ANTXR1: variants seen among roughly 807,000 people sequenced by gnomAD.
ANTXR1 encodes the protein ANTXR cell adhesion molecule 1.
Under a neutral mutation model 78.1 loss-of-function variants are expected in ANTXR1, and 19 were observed. The observed-to-expected ratio is 0.24, with a 90% CI of 0.17 to 0.36. ANTXR1 has a LOEUF of 0.36. Among genes scored for constraint, ANTXR1 ranks in the 10% least tolerant of loss-of-function variants. ANTXR1 has a pLI of 1.00. For synonymous variants in ANTXR1, 273 were observed against 260.5 expected (o/e 1.05, Z -0.46); for missense variants, 518 against 718.6 (o/e 0.72, Z 3.19).
intron 7 of ANTXR1, among the ~76,000 whole-genome samples, chr2:69,076,406 T>C (rs1272476253): frequency 2.0e-5 from 3 of 152,214 alleles, no homozygotes; most frequent in Admixed American, 6.5e-5. Context: ...AAAATGTGTA[T>C]AGGTGCATAT....
At chr2:69,169,243 A>T (rs1673910487) in intron 13 of ANTXR1, among the ~76,000 whole-genome samples, 1 of 152,240 alleles carries the variant, frequency 6.6e-6, no homozygotes, top group East Asian at 1.9e-4. Flanking sequence ...ACCTGATGTT[A>T]AGGCATCAAG....
At chr2:69,023,899 A>G (rs1016688656) in intron 1 of ANTXR1, among the ~76,000 whole-genome samples, 21 of 152,230 alleles carry the variant, frequency 1.4e-4, no homozygotes, top group African/African-American at 5.1e-4. Flanking sequence ...TTAGGAAAGC[A>G]AACTAACACA....
chr2:69,020,121 G>C (rs1424537591), intron 1 of ANTXR1, among the ~76,000 whole-genome samples: 1 of 152,100 alleles, frequency 6.6e-6, no homozygotes, highest in Non-Finnish European at 1.5e-5. Flanking sequence ...GGGTCGAATG[G>C]TATTTCTGTC....
intron 13 of ANTXR1, among the ~76,000 whole-genome samples, chr2:69,153,000 C>T (rs1673437578): frequency 6.6e-6 from 1 of 152,098 alleles, no homozygotes; most frequent in African/African-American, 2.4e-5. Context: ...GGGAGAAGTC[C>T]AAACAAAGTA....
chr2:69,139,227 T>G (rs900188025), intron 12 of ANTXR1, among the ~76,000 whole-genome samples: 6 of 152,278 alleles, frequency 3.9e-5, no homozygotes, highest in Admixed American at 3.9e-4. Flanking sequence ...AATTTCACTG[T>G]GGCCTTAAGG....
chr2:69,136,135 T>G (rs972685331), intron 12 of ANTXR1, among the ~76,000 whole-genome samples: 2 of 152,234 alleles, frequency 1.3e-5, no homozygotes, highest in South Asian at 2.1e-4. Flanking sequence ...CACAGATACA[T>G]CTGAAATGCA....
chr2:69,075,486 A>G lies in ANTXR1; in HGVS notation c.493-104A>G. On this transcript the variant is annotated intron_variant, in intron 6 of 17. Coordinates refer to ENST00000303714, the MANE Select transcript of ANTXR1 (RefSeq NM_032208.3). The stretch of plus-strand genomic sequence containing the variant: ...TCCAGTATGGCACCAGGCACATGGT[A>G]GGTGCTCATTAAATACCTCATCATT... 3 of 1,079,088 alleles carry G rather than the reference A, an allele frequency of 2.8e-6. No individual in the cohort carries two copies. In the South Asian group the frequency reaches 3.7e-5, roughly 13 times the overall value. 66.8% of individuals were successfully genotyped at this position (1,079,088 alleles called of 1,614,324 possible). A position where few individuals can be genotyped will look rare whatever the true frequency, so the allele number is the denominator to read the frequency against.
chr2:69,071,394 T>C (rs1670560405), intron 4 of ANTXR1, among the ~76,000 whole-genome samples: 1 of 152,212 alleles, frequency 6.6e-6, no homozygotes, highest in Admixed American at 6.5e-5. Flanking sequence ...GTAACACTAA[T>C]GATATTTGTT....
At chr2:69,053,801 A>C (rs2104128995) in intron 3 of ANTXR1, among the ~76,000 whole-genome samples, 1 of 152,326 alleles carries the variant, frequency 6.6e-6, no homozygotes, top group African/African-American at 2.4e-5. Flanking sequence ...CCAGAGAGAC[A>C]GAATTCTTTG....
intron 17 of ANTXR1, among the ~76,000 whole-genome samples, chr2:69,223,890 G>C (rs2104513518): frequency 6.6e-6 from 1 of 152,310 alleles, no homozygotes; most frequent in Middle Eastern, 3.4e-3. Flanking sequence ...CCCAATTTCA[G>C]TTAACCTTTG....
chr2:69,083,002 G>T, intron 8 of ANTXR1, among the ~76,000 whole-genome samples: 1 of 152,144 alleles, frequency 6.6e-6, no homozygotes, highest in Non-Finnish European at 1.5e-5. Context: ...TGAGATCAAC[G>T]GAACCGAGGA....
At chr2:69,169,287 C>T (rs927122801) in intron 13 of ANTXR1, among the ~76,000 whole-genome samples, 1 of 152,218 alleles carries the variant, frequency 6.6e-6, no homozygotes, top group South Asian at 2.1e-4. Flanking sequence ...TGCCAGAAGT[C>T]CTCTAAGTAA....
chr2:69,060,548 T>G (rs1670203389), intron 3 of ANTXR1, among the ~76,000 whole-genome samples: 1 of 151,980 alleles, frequency 6.6e-6, no homozygotes. Flanking sequence ...AAAGAACAGG[T>G]GGTAAGGTAG....
intron 17 of ANTXR1, among the ~76,000 whole-genome samples, chr2:69,230,751 AT>A (rs569772467): frequency 6.0e-4 from 92 of 152,168 alleles, no homozygotes; most frequent in African/African-American, 2.1e-3. Flanking sequence ...AGATTGCAAC[AT>A]TTTTCCCAGT....
intron 3 of ANTXR1, among the ~76,000 whole-genome samples, chr2:69,048,941 A>G (rs1459001587): frequency 3.3e-5 from 5 of 152,196 alleles, no homozygotes; most frequent in Non-Finnish European, 7.3e-5. Flanking sequence ...TTTCTTATTT[A>G]GGGATATACC....
intron 2 of ANTXR1, among the ~76,000 whole-genome samples, chr2:69,042,915 C>G (rs1355074785): frequency 2.0e-5 from 3 of 152,142 alleles, no homozygotes; most frequent in Non-Finnish European, 1.5e-5. Context: ...ATCTCACTGG[C>G]CTCAGCCAGC....
At chr2:69,156,509 G>C (rs68076247) in intron 13 of ANTXR1, among the ~76,000 whole-genome samples, 42,935 of 152,076 alleles carry the variant, frequency 0.28, 6,349 homozygotes, top group South Asian at 0.45. Flanking sequence ...ACATATACCT[G>C]AGACTGGGTA....
chr2:69,096,409 T>G (rs1671430041), intron 9 of ANTXR1, among the ~76,000 whole-genome samples: 12 of 115,422 alleles, frequency 1.0e-4, no homozygotes, highest in African/African-American at 1.7e-4. Flanking sequence ...AGGAAGGAAA[T>G]CAAAAAGAAT....
chr2:69,118,957 G>C (rs750450648), intron 10 of ANTXR1, among the ~76,000 whole-genome samples: 2 of 152,138 alleles, frequency 1.3e-5, no homozygotes, highest in Non-Finnish European at 2.9e-5. Context: ...CCCACAGCCT[G>C]GGAGGCTGAT....
Sources: gnomAD v4.1 joint callset for allele counts (sites outside exome capture counted in the v4.1 genomes callset) on GRCh38, gnomAD v4.1.1 for gene constraint, MANE v1.5 for transcripts, NCBI Gene and HGNC (gene_info 2026-07-23, HGNC 2026-07-21) for gene names.